Variants in ACOT1 observed in about 807,000 individuals in gnomAD.
The protein encoded by ACOT1 is acyl-coenzyme A thioesterase 1.
A neutral mutation model predicts 15.7 loss-of-function variants in ACOT1; 8 were observed. The ratio of observed to expected loss-of-function variants is 0.51; its 90% CI spans 0.30 to 0.92. ACOT1 has a LOEUF of 0.92. ACOT1 is among the 40% of genes least tolerant of loss of function. The probability of loss-of-function intolerance (pLI) is 0.06; values close to 1 mark genes in which losing one functional copy is unlikely to be tolerated. For missense variants in ACOT1, 151 were observed against 539.4 expected (o/e 0.28, Z 7.13); for synonymous variants, 67 against 241.2 (o/e 0.28, Z 6.69).
chr14:73,513,728 CAAAAAAAAAAAAAAA>C, the ACOT1 span, among the ~76,000 whole-genome samples: 8 of 46,776 alleles, frequency 1.7e-4, no homozygotes, highest in South Asian at 1.5e-3. Flanking sequence ...ACTACGTCTC[CAAAAAAAAAAAAAAA>C]AAAAAAAAAA....
rs1158469841 is a variant in ACOT1, at chr14:73,537,454, C to T, written c.33C>T (p.Gly11=). 2 of 1,232,198 alleles carry T rather than the reference C, an allele frequency of 1.6e-6. 1 individual carries two copies. The highest frequency in any genetic ancestry group is 1.7e-4 in the East Asian group (2 of 12,070). 76.3% of individuals were successfully genotyped at this position (1,232,198 alleles called of 1,614,324 possible). The change falls in exon 1 of 3, where the codon GGC becomes GGT. Residue 11 remains glycine (G), a synonymous_variant. Transcript: ENST00000311148. MAATLILEPA[G]RCCWDEPVRI... ...CGACGCTGATCCTGGAGCCCGCGGGCCGCTGCTGCTGGGACGAACCGGTGC... is the reference window on the plus strand; with the variant it reads ...CGACGCTGATCCTGGAGCCCGCGGGTCGCTGCTGCTGGGACGAACCGGTGC...
At chr14:73,520,623 TA>T in the ACOT1 span, 1 of 437,014 alleles carries the variant, frequency 2.3e-6, no homozygotes, top group Non-Finnish European at 4.1e-6. Flanking sequence ...GCCTCTTTAG[TA>T]AGATAGAGGG....
chr14:73,538,882 C>T lies in ACOT1; in HGVS notation c.457+1004C>T, dbSNP rs538347372. Among the ~76,000 whole-genome samples the T allele has an allele frequency of 1.2e-4, 13 of 112,354 alleles. 3 individuals carry two copies. In the South Asian group the frequency reaches 3.8e-3, roughly 32 times the overall value. The allele number at this position is 112,354 out of a possible 152,430, so 73.7% of individuals were successfully genotyped here. ...ACTCGGGAGTCTGAGGCAGGAGAAT[C>T]GCTGGAACCCTGGAGGCAGAGGTTG... On this transcript the variant is annotated intron_variant, in intron 1 of 2. Coordinates refer to ENST00000311148, the MANE Select transcript of ACOT1 (RefSeq NM_001037161.2).
At chr14:73,524,336 T>TATATATATATATATATA in the ACOT1 span, among the ~76,000 whole-genome samples, 3 of 134,544 alleles carry the variant, frequency 2.2e-5, no homozygotes, top group Admixed American at 7.5e-5. Flanking sequence ...TATATATATA[T>TATATATATATATATATA]TATAGCTGTA....
chr14:73,517,274 T>C, the ACOT1 span: 1 of 152,242 alleles, frequency 6.6e-6, no homozygotes, highest in Admixed American at 6.5e-5. Flanking sequence ...TTGCCTAGAC[T>C]AGTCTGAAAC....
the ACOT1 span, chr14:73,513,960 G>A: frequency 6.8e-7 from 1 of 1,479,002 alleles, no homozygotes; most frequent in South Asian, 1.1e-5. Context: ...TTCAAAGACT[G>A]AGAAAGCCTA....
the ACOT1 span, chr14:73,520,924 G>A: frequency 1.2e-5 from 20 of 1,613,914 alleles, no homozygotes; most frequent in South Asian, 7.7e-5. Context: ...GTCACCTGGC[G>A]AAAGTAGCTC....
the ACOT1 span, among the ~76,000 whole-genome samples, chr14:73,522,107 T>C: frequency 6.6e-6 from 1 of 152,154 alleles, no homozygotes; most frequent in Non-Finnish European, 1.5e-5. Flanking sequence ...GCAGTGCAAA[T>C]TGAGAAACCT....
chr14:73,508,246 C>G, the ACOT1 span: 4 of 1,613,952 alleles, frequency 2.5e-6, no homozygotes, highest in Non-Finnish European at 3.4e-6. Flanking sequence ...AGTAGCAGTA[C>G]CTTCCAGAGC....
the ACOT1 span, chr14:73,502,887 G>A: frequency 3.1e-6 from 5 of 1,599,030 alleles, no homozygotes; most frequent in Middle Eastern, 1.7e-4. Flanking sequence ...ATGTTGACTG[G>A]GTCTTACCTG....
chr14:73,496,791 CTG>C, the ACOT1 span: 26 of 670,748 alleles, frequency 3.9e-5, no homozygotes, highest in Admixed American at 5.1e-4. Flanking sequence ...CCAATCCTAA[CTG>C]TGCAGTTTTG....
chr14:73,500,275 G>A, the ACOT1 span, among the ~76,000 whole-genome samples: 3 of 149,592 alleles, frequency 2.0e-5, no homozygotes, highest in African/African-American at 5.1e-5. Context: ...AATTATGCAC[G>A]GACCTTTTTT....
At chr14:73,536,316 C>A (rs1888860459), upstream of ACOT1, among the ~76,000 whole-genome samples, 1 of 105,300 alleles carries the variant, frequency 9.5e-6, no homozygotes, top group South Asian at 3.2e-4. Context: ...AAAAAAAAAA[C>A]CACCTCTGGT....
At chr14:73,512,210 C>T in the ACOT1 span, 1 of 1,582,830 alleles carries the variant, frequency 6.3e-7, no homozygotes, top group East Asian at 2.3e-5. Flanking sequence ...TATTGTGCTG[C>T]AGGCAGGTGA....
chr14:73,512,096 G>A, the ACOT1 span: 1 of 1,614,146 alleles, frequency 6.2e-7, no homozygotes, highest in Non-Finnish European at 8.5e-7. Context: ...TCATCATGCA[G>A]GTCTCCCAAG....
At chr14:73,494,812 T>C in the ACOT1 span, among the ~76,000 whole-genome samples, 1 of 152,144 alleles carries the variant, frequency 6.6e-6, no homozygotes, top group African/African-American at 2.4e-5. Flanking sequence ...CCTCCCACCA[T>C]GGCCTCCCAA....
At chr14:73,513,727 C>CA in the ACOT1 span, among the ~76,000 whole-genome samples, 1 of 26,576 alleles carries the variant, frequency 3.8e-5, no homozygotes, top group African/African-American at 1.5e-4. Context: ...AACTACGTCT[C>CA]CAAAAAAAAA....
chr14:73,524,308 AAAAT>A, the ACOT1 span, among the ~76,000 whole-genome samples: 51 of 83,576 alleles, frequency 6.1e-4, no homozygotes, highest in Non-Finnish European at 8.7e-4. Flanking sequence ...AAAAAAAAAA[AAAAT>A]ATATATATAT....
the ACOT1 span, among the ~76,000 whole-genome samples, chr14:73,505,432 T>G: frequency 6.6e-6 from 1 of 152,088 alleles, no homozygotes; most frequent in African/African-American, 2.4e-5. Context: ...AGTCTCGCAC[T>G]GTCGCCCAGG....
Sources: allele counts gnomAD v4.1 joint callset (sites outside exome capture counted in the v4.1 genomes callset), GRCh38; gene constraint gnomAD v4.1.1; transcripts MANE v1.5; gene names NCBI Gene and HGNC (gene_info 2026-07-23, HGNC 2026-07-21).